FNIP1: variants seen among roughly 807,000 people sequenced by gnomAD.
The protein encoded by FNIP1 is folliculin-interacting protein 1.
In FNIP1, 40 loss-of-function variants were observed where a neutral mutation model predicts 124.5. The observed-to-expected ratio is 0.32, with a 90% CI of 0.25 to 0.42. The LOEUF (loss-of-function observed/expected upper bound fraction) is 0.42. Among genes scored for constraint, FNIP1 ranks in the 10% least tolerant of loss-of-function variants. FNIP1 has a pLI of 1.00. For missense variants in FNIP1, 1,176 were observed against 1,403.7 expected (o/e 0.84, Z 2.59); for synonymous variants, 472 against 470.6 (o/e 1.00, Z -0.04).
intron 1 of FNIP1, among the ~76,000 whole-genome samples, chr5:131,758,960 A>G (rs1397255869): frequency 1.3e-5 from 2 of 152,142 alleles, no homozygotes; most frequent in African/African-American, 2.4e-5. Context: ...AATACACAGC[A>G]TATCTGTGGT....
chr5:131,735,616 A>G (rs904253898), intron 2 of FNIP1, among the ~76,000 whole-genome samples: 7 of 149,050 alleles, frequency 4.7e-5, no homozygotes, highest in Non-Finnish European at 1.0e-4. Context: ...ATATACACAT[A>G]TTTATATATG....
intron 3 of FNIP1, among the ~76,000 whole-genome samples, chr5:131,723,246 A>T (rs971217751): frequency 6.6e-6 from 1 of 152,110 alleles, no homozygotes; most frequent in Non-Finnish European, 1.5e-5. Flanking sequence ...CTTCCCTTAT[A>T]AGCTCATTTT....
At chr5:131,727,290 T>C (rs1301323358) in intron 3 of FNIP1, among the ~76,000 whole-genome samples, 2 of 152,178 alleles carry the variant, frequency 1.3e-5, no homozygotes, top group East Asian at 3.9e-4. Flanking sequence ...TCTCAGTTTC[T>C]TTGTAGGTCT....
rs1235513070 is a variant in FNIP1, at chr5:131,659,458, G to A, written c.3109-7459C>T. ...TGGCCATCTCCTGCTCAAAGTCCAG[G>A]GTGACATAGTATAGCTTCTCCTTGA... is the stretch of plus-strand genomic sequence containing the variant. On this transcript the variant is annotated intron_variant, in intron 15 of 17. Coordinates refer to ENST00000510461, the MANE Select transcript of FNIP1 (RefSeq NM_133372.3). 2.6e-5 allele frequency among the ~76,000 whole-genome samples: 4 copies of A among 152,170 alleles called. No homozygotes were observed. In the East Asian group the frequency reaches 7.7e-4, roughly 29 times the overall value.
intron 1 of FNIP1, among the ~76,000 whole-genome samples, chr5:131,794,951 C>T (rs1772532554): frequency 6.6e-6 from 1 of 152,154 alleles, no homozygotes; most frequent in East Asian, 1.9e-4. Context: ...GGGTACACAA[C>T]TGTATACGAT....
rs184133586 is a variant in FNIP1 at position 131,789,054 on chromosome 5, G to A, written c.92+7776C>T. Among the ~76,000 whole-genome samples, 454 of 152,032 alleles carry A rather than the reference G, an allele frequency of 3.0e-3. 1 individual carries two copies. The highest frequency in any genetic ancestry group is 0.01 in the Middle Eastern group (3 of 294). On this transcript the variant is annotated intron_variant, in intron 1 of 17. Transcript: ENST00000510461. ...CAGATGAATGGATAAAGAAAATGTC[G>A]TATATATACACAATGGAATATTATT...
intron 5 of FNIP1, among the ~76,000 whole-genome samples, chr5:131,718,187 T>A (rs77412430): frequency 0.027 from 3,951 of 145,074 alleles, 185 homozygotes; most frequent in African/African-American, 0.095. Flanking sequence ...AGGCTCCATC[T>A]CGAAAAAAAA....
chr5:131,765,847 T>G (rs1176776186), intron 1 of FNIP1, among the ~76,000 whole-genome samples: 1 of 152,212 alleles, frequency 6.6e-6, no homozygotes, highest in African/African-American at 2.4e-5. Flanking sequence ...AAAACCTAAT[T>G]TTGTCACATA....
intron 1 of FNIP1, among the ~76,000 whole-genome samples, chr5:131,774,968 T>C (rs551758201): frequency 6.6e-6 from 1 of 152,354 alleles, no homozygotes; most frequent in South Asian, 2.1e-4. Context: ...CTTTTACAAA[T>C]ATTATCTAAA....
rs768570047 is a variant in FNIP1, at chr5:131,697,527, G to A, written c.1202+1390C>T. Reference sequence around the variant, plus strand: ...CCTATCTAGGGTAATGAAGTTTCATGTTGAAATAGATTTATTTAGGTATAA... The same window carrying A: ...CCTATCTAGGGTAATGAAGTTTCATATTGAAATAGATTTATTTAGGTATAA... On this transcript the variant is annotated intron_variant, in intron 11 of 17. Transcript: ENST00000510461. Among the ~76,000 whole-genome samples, 40 of 152,242 alleles carry A rather than the reference G, an allele frequency of 2.6e-4. No homozygotes were observed. The South Asian group carries it at 2.7e-3, about 10-fold the overall frequency.
intron 1 of FNIP1, 123 bp downstream of exon 1, chr5:131,796,707 G>C: frequency 1.1e-6 from 1 of 871,790 alleles, no homozygotes; most frequent in East Asian, 2.9e-5. Context: ...CCCCACCGAG[G>C]ACCAGATGCT....
intron 13 of FNIP1, among the ~76,000 whole-genome samples, chr5:131,677,260 G>A (rs1767938959): frequency 6.6e-6 from 1 of 152,120 alleles, no homozygotes; most frequent in African/African-American, 2.4e-5. Context: ...GACTTGTTTA[G>A]TGGTGCTTAA....
rs1163295925 is a variant in FNIP1, at chr5:131,737,732, CATT to C, written c.220-6697_220-6695del. 7.9e-5 allele frequency among the ~76,000 whole-genome samples: 12 copies of C among 152,282 alleles called. No individual in the cohort carries two copies. The South Asian group carries it at 2.3e-3, about 29-fold the overall frequency. On this transcript the variant is annotated intron_variant, in intron 2 of 17. Coordinates refer to ENST00000510461, the MANE Select transcript of FNIP1 (RefSeq NM_133372.3). ...GCTAACGTGAGTTAGCTGCTGCTATCATTATTACTTTTATTAGACATACTTGGA... is the reference window on the plus strand; with the variant it reads ...GCTAACGTGAGTTAGCTGCTGCTATCATTACTTTTATTAGACATACTTGGA...
chr5:131,784,133 G>A (rs1425872584), intron 1 of FNIP1, among the ~76,000 whole-genome samples: 1 of 152,170 alleles, frequency 6.6e-6, no homozygotes, highest in African/African-American at 2.4e-5. Context: ...GCCAGAGAGG[G>A]CTGGAAGGTT....
chr5:131,790,478 C>CAAAAAAA (rs56699008), intron 1 of FNIP1, among the ~76,000 whole-genome samples: 16 of 70,580 alleles, frequency 2.3e-4, no homozygotes, highest in African/African-American at 3.1e-4. Flanking sequence ...GAACCTGTCT[C>CAAAAAAA]AAAAAAAAAA....
intron 15 of FNIP1, among the ~76,000 whole-genome samples, chr5:131,654,649 C>T (rs955916565): frequency 8.6e-5 from 13 of 152,026 alleles, no homozygotes; most frequent in African/African-American, 1.2e-4. Context: ...GGAGGGCAAT[C>T]GTGGGATCTG....
chr5:131,683,501 C>A (rs1436693451), intron 11 of FNIP1, among the ~76,000 whole-genome samples: 4 of 144,438 alleles, frequency 2.8e-5, no homozygotes, highest in Admixed American at 7.2e-5. Context: ...TGCAGTGAGC[C>A]GAAACTGCGC....
chr5:131,679,653 A>G (rs250888), intron 11 of FNIP1, among the ~76,000 whole-genome samples: 90,424 of 152,070 alleles, frequency 0.59, 30,728 homozygotes, highest in Non-Finnish European at 0.77. Flanking sequence ...CTAAGACTCT[A>G]GTAACATTCT....
intron 17 of FNIP1, among the ~76,000 whole-genome samples, chr5:131,645,322 AAAC>A (rs1314127407): frequency 2.0e-5 from 3 of 151,892 alleles, no homozygotes; most frequent in Admixed American, 6.6e-5. Flanking sequence ...AAAAAAAAAA[AAAC>A]AAAGAATAAT....
Sources: allele counts gnomAD v4.1 joint callset (sites outside exome capture counted in the v4.1 genomes callset), GRCh38; gene constraint gnomAD v4.1.1; transcripts MANE v1.5; gene names NCBI Gene and HGNC (gene_info 2026-07-23, HGNC 2026-07-21).